Variants in HIVEP1 observed in about 807,000 individuals in gnomAD.
HIVEP1 encodes HIVEP zinc finger 1.
In HIVEP1, 36 loss-of-function variants were observed where a neutral mutation model predicts 180.0. The ratio of observed to expected loss-of-function variants is 0.20; its 90% confidence interval spans 0.15 to 0.26. HIVEP1 has a LOEUF of 0.26. Among genes scored for constraint, HIVEP1 ranks in the 10% least tolerant of loss-of-function variants. HIVEP1 has a pLI of 1.00. For synonymous variants in HIVEP1, 1,239 were observed against 1,239.0 expected, an observed-to-expected ratio of 1.00 and a Z score of 0.00; for missense variants, 3,143 against 3,268.7, an observed-to-expected ratio of 0.96 and a Z score of 0.94.
intron 2 of HIVEP1, among the ~76,000 whole-genome samples, chr6:12,041,420 TAAA>T (rs34364704): frequency 1.1e-4 from 6 of 52,274 alleles, no homozygotes; most frequent in African/African-American, 2.6e-4. Flanking sequence ...AGACTCCGTC[TAAA>T]AAAAAAAAAA....
At chr6:12,130,507 C>A (rs1321858118) in intron 5 of HIVEP1, among the ~76,000 whole-genome samples, 4 of 151,646 alleles carry the variant, frequency 2.6e-5, no homozygotes, top group Non-Finnish European at 4.4e-5. Flanking sequence ...CACTGGGCTC[C>A]AGCCTGGGCA....
chr6:12,007,764 A>AC (rs1219045847), upstream of HIVEP1: 6 of 149,250 alleles, frequency 4.0e-5, no homozygotes, highest in African/African-American at 1.5e-4. Context: ...CTGAGAACTC[A>AC]CCCCCAGGAT....
At chr6:12,067,360 G>T (rs755264096) in intron 2 of HIVEP1, among the ~76,000 whole-genome samples, 20 of 152,010 alleles carry the variant, frequency 1.3e-4, no homozygotes, top group Non-Finnish European at 2.4e-4. Flanking sequence ...ATCTATTTCT[G>T]TGAAACTACA....
chr6:12,053,532 G>A (rs1190441150), intron 2 of HIVEP1, among the ~76,000 whole-genome samples: 1 of 151,926 alleles, frequency 6.6e-6, no homozygotes, highest in African/African-American at 2.4e-5. Flanking sequence ...AGTCTTAAGG[G>A]GCAAAAGACT....
chr6:12,060,923 C>T (rs903348506), intron 2 of HIVEP1, among the ~76,000 whole-genome samples: 6 of 151,992 alleles, frequency 3.9e-5, no homozygotes, highest in African/African-American at 1.4e-4. Context: ...CTTTCATTTG[C>T]GTAAGAGATG....
the HIVEP1 span, among the ~76,000 whole-genome samples, chr6:12,211,486 TACAC>T: frequency 0.54 from 51,010 of 95,130 alleles, 10,915 homozygotes; most frequent in South Asian, 0.65. Context: ...TATATATATA[TACAC>T]ACACACACAC....
chr6:12,029,700 C>T (rs1232561387), intron 2 of HIVEP1, among the ~76,000 whole-genome samples: 1 of 152,024 alleles, frequency 6.6e-6, no homozygotes, highest in Admixed American at 6.6e-5. Context: ...AAACTTTTCT[C>T]CAGTATCTCC....
chr6:12,013,977 C>T (rs1767572313), intron 1 of HIVEP1, among the ~76,000 whole-genome samples: 1 of 152,180 alleles, frequency 6.6e-6, no homozygotes, highest in Admixed American at 6.5e-5. Flanking sequence ...ATTTCTAAAA[C>T]CTTATACTGG....
At chr6:12,013,538 T>G (rs1312051031) in intron 1 of HIVEP1, among the ~76,000 whole-genome samples, 1 of 152,194 alleles carries the variant, frequency 6.6e-6, no homozygotes, top group Non-Finnish European at 1.5e-5. Flanking sequence ...AATGTGCATA[T>G]TTTACATTTA....
chr6:12,094,016 T>C (rs1374945940), intron 3 of HIVEP1, among the ~76,000 whole-genome samples: 1 of 152,112 alleles, frequency 6.6e-6, no homozygotes, highest in South Asian at 2.1e-4. Context: ...CAAAAAAGAT[T>C]GTATATTTCT....
chr6:12,037,735 CTT>C (rs1769377617), intron 2 of HIVEP1: 1 of 420,308 alleles, frequency 2.4e-6, no homozygotes, highest in Non-Finnish European at 4.2e-6. Flanking sequence ...GGGTCTTGCT[CTT>C]TTGCTCAGGC....
At chr6:12,195,105 T>G in the HIVEP1 span, among the ~76,000 whole-genome samples, 2 of 152,158 alleles carry the variant, frequency 1.3e-5, no homozygotes, top group Non-Finnish European at 2.9e-5. Context: ...GAATATCAAG[T>G]TGTTAGAAAT....
chr6:12,016,882 C>T (rs1767790963), intron 2 of HIVEP1, among the ~76,000 whole-genome samples: 1 of 152,164 alleles, frequency 6.6e-6, no homozygotes, highest in Admixed American at 6.5e-5. Context: ...CCAAGGGTAC[C>T]AGCTGAGGTG....
chr6:12,205,521 G>A, the HIVEP1 span, among the ~76,000 whole-genome samples: 408 of 152,000 alleles, frequency 2.7e-3, 2 homozygotes, highest in African/African-American at 7.3e-3. Context: ...TCTACTGCAC[G>A]GTACAGTGGT....
intron 7 of HIVEP1, among the ~76,000 whole-genome samples, chr6:12,161,065 A>G (rs979070825): frequency 3.9e-5 from 6 of 152,346 alleles, no homozygotes; most frequent in African/African-American, 1.4e-4. Flanking sequence ...TCAGGAAAAG[A>G]GTTGCGTTGA....
At chr6:12,096,651 C>A (rs1773798607) in intron 3 of HIVEP1, among the ~76,000 whole-genome samples, 1 of 151,738 alleles carries the variant, frequency 6.6e-6, no homozygotes, top group Non-Finnish European at 1.5e-5. Context: ...TTAATTACCA[C>A]ACATAACATT....
intron 2 of HIVEP1, among the ~76,000 whole-genome samples, chr6:12,023,197 A>G (rs1293916296): frequency 6.6e-6 from 1 of 152,202 alleles, no homozygotes; most frequent in Non-Finnish European, 1.5e-5. Flanking sequence ...TCTGATTAAG[A>G]TGAATGTTTT....
chr6:12,052,981 C>T (rs1383080508), intron 2 of HIVEP1, among the ~76,000 whole-genome samples: 1 of 152,146 alleles, frequency 6.6e-6, no homozygotes, highest in Non-Finnish European at 1.5e-5. Flanking sequence ...ATTCTCATCA[C>T]AGTTTTTAAA....
chr6:12,083,052 A>C (rs995236748), intron 2 of HIVEP1, among the ~76,000 whole-genome samples: 1 of 152,114 alleles, frequency 6.6e-6, no homozygotes, highest in Non-Finnish European at 1.5e-5. Context: ...AATTGGAGAA[A>C]ATATAAATGG....
Sources: gnomAD v4.1 joint callset for allele counts (sites outside exome capture counted in the v4.1 genomes callset) on GRCh38, gnomAD v4.1.1 for gene constraint, MANE v1.5 for transcripts, NCBI Gene and HGNC (gene_info 2026-07-23, HGNC 2026-07-21) for gene names.